SLC20A2: variants seen among roughly 807,000 people sequenced by gnomAD.
SLC20A2 encodes solute carrier family 20 member 2, also known as sodium-dependent phosphate transporter 2.
SLC20A2 carries 30 observed loss-of-function variants against 61.0 expected under a neutral mutation model. That is an observed-to-expected ratio of 0.49 (90% confidence interval 0.37 to 0.67). The LOEUF (loss-of-function observed/expected upper bound fraction) is 0.67, where lower values mean the gene tolerates loss of function less well. SLC20A2 is among the 30% of genes least tolerant of loss of function. The probability of loss-of-function intolerance (pLI) is 0.00; values close to 1 mark genes in which losing one functional copy is unlikely to be tolerated. For missense variants in SLC20A2, 626 were observed against 866.4 expected, an observed-to-expected ratio of 0.72 and a Z score of 3.48; for synonymous variants, 351 against 353.3, an observed-to-expected ratio of 0.99 and a Z score of 0.07.
intron 1 of SLC20A2, among the ~76,000 whole-genome samples, chr8:42,536,079 C>T (rs745379355): frequency 6.6e-6 from 1 of 152,308 alleles, no homozygotes; most frequent in Non-Finnish European, 1.5e-5. Context: ...GGCTAACGTG[C>T]AAATTGGATA....
intron 5 of SLC20A2, among the ~76,000 whole-genome samples, chr8:42,449,972 T>C (rs116523671): frequency 0.018 from 2,763 of 152,336 alleles, 74 homozygotes; most frequent in African/African-American, 0.061. Context: ...TTCACACTTA[T>C]GTGTGCACAC....
At chr8:42,426,891 T>TA (rs1374732166) in intron 10 of SLC20A2, among the ~76,000 whole-genome samples, 2 of 152,210 alleles carry the variant, frequency 1.3e-5, no homozygotes, top group Admixed American at 1.3e-4. Context: ...AGAATGTATT[T>TA]AGTGACACGC....
At chr8:42,486,221 C>T (rs1809002253) in intron 1 of SLC20A2, among the ~76,000 whole-genome samples, 1 of 151,790 alleles carries the variant, frequency 6.6e-6, no homozygotes, top group Non-Finnish European at 1.5e-5. Context: ...GCCTAAAGAA[C>T]CTCCTTTAGT....
chr8:42,455,490 C>T (rs1806127332), intron 5 of SLC20A2, among the ~76,000 whole-genome samples: 1 of 151,548 alleles, frequency 6.6e-6, no homozygotes, highest in South Asian at 2.1e-4. Flanking sequence ...GAAACCCCAT[C>T]TCTACTAAAA....
chr8:42,460,187 C>A, intron 4 of SLC20A2, 195 bp from the exon 5 acceptor site: 1 of 488,818 alleles, frequency 2.0e-6, no homozygotes, highest in Non-Finnish European at 3.8e-6. Context: ...CCATCTCTCC[C>A]ACACAAATGC....
intron 10 of SLC20A2, among the ~76,000 whole-genome samples, chr8:42,421,470 T>C (rs944983508): frequency 1.3e-5 from 2 of 152,242 alleles, no homozygotes; most frequent in Non-Finnish European, 2.9e-5. Flanking sequence ...ATTTTTACCT[T>C]GGACTTGGTC....
At chr8:42,449,980 C>T (rs958236298) in intron 5 of SLC20A2, among the ~76,000 whole-genome samples, 3 of 152,160 alleles carry the variant, frequency 2.0e-5, no homozygotes, top group Non-Finnish European at 2.9e-5. Flanking sequence ...TATGTGTGCA[C>T]ACACATGCAC....
intron 8 of SLC20A2, among the ~76,000 whole-genome samples, chr8:42,435,316 C>T (rs564698213): frequency 2.6e-5 from 4 of 152,150 alleles, no homozygotes; most frequent in Admixed American, 1.3e-4. Context: ...TCACTGACTG[C>T]GACAGAAGAC....
At chr8:42,428,889 C>G (rs1803631644) in intron 9 of SLC20A2, 47 bp from the exon 10 acceptor site, 2 of 1,465,594 alleles carry the variant, frequency 1.4e-6, no homozygotes, top group Admixed American at 4.6e-5. Context: ...CTGTATCAGC[C>G]TCCCTGACAC....
intron 1 of SLC20A2, among the ~76,000 whole-genome samples, chr8:42,496,359 C>A (rs578258172): frequency 6.6e-6 from 1 of 152,042 alleles, no homozygotes; most frequent in East Asian, 1.9e-4. Context: ...TTCTGTCAAG[C>A]GAAAGCACAA....
intron 1 of SLC20A2, among the ~76,000 whole-genome samples, chr8:42,476,730 C>T (rs929923689): frequency 4.6e-5 from 7 of 152,202 alleles, no homozygotes; most frequent in Admixed American, 2.6e-4. Context: ...CTCACACCCT[C>T]AGCCCACCAG....
At chr8:42,444,811 G>A in intron 5 of SLC20A2, 49 bp from the exon 6 acceptor site, 1 of 1,450,242 alleles carries the variant, frequency 6.9e-7, no homozygotes, top group Non-Finnish European at 9.7e-7. Flanking sequence ...CTTCTGCAAG[G>A]TCAGGCCTCA....
chr8:42,428,816 G>A lies in SLC20A2; in HGVS notation c.1736C>T (p.Ala579Val), dbSNP rs1231560325. ...GTTGGAGGCGATCACCACTGTGAAG[G>A]CTGAGGCCAGCTCGATCGTGAAGCC... ...SSGFTIELAS[A>V]FTVVIASNIG... Residue 579 changes from alanine to valine, a missense_variant, in exon 10 of 11, where the codon GCC becomes GTC. Transcript: ENST00000520262. The A allele has an allele frequency of 6.2e-7, 1 of 1,606,680 alleles. No individual in the cohort carries two copies. The highest frequency in any genetic ancestry group is 8.5e-7 in the Non-Finnish European group (1 of 1,176,698).
chr8:42,517,263 G>T (rs1286457585), intron 1 of SLC20A2, among the ~76,000 whole-genome samples: 1 of 151,964 alleles, frequency 6.6e-6, no homozygotes, highest in African/African-American at 2.4e-5. Context: ...AGCACTTTGG[G>T]AGGGTGAGGT....
chr8:42,432,829 A>C (rs967094678), intron 8 of SLC20A2, among the ~76,000 whole-genome samples: 32 of 152,186 alleles, frequency 2.1e-4, no homozygotes, highest in African/African-American at 7.5e-4. Context: ...AGGTATGTAC[A>C]TTGTTTTTAA....
At chr8:42,489,368 G>A (rs183477812) in intron 1 of SLC20A2, among the ~76,000 whole-genome samples, 1 of 152,210 alleles carries the variant, frequency 6.6e-6, no homozygotes, top group East Asian at 1.9e-4. Flanking sequence ...TGTAATGGCT[G>A]CTCTGAAGAC....
At chr8:42,434,913 A>T (rs907649472) in intron 8 of SLC20A2, among the ~76,000 whole-genome samples, 3 of 143,108 alleles carry the variant, frequency 2.1e-5, no homozygotes, top group African/African-American at 9.0e-5. Flanking sequence ...TGCGCATGTG[A>T]GTGTGTGTGC....
chr8:42,507,051 G>A (rs1195881732), intron 1 of SLC20A2, among the ~76,000 whole-genome samples: 1 of 152,212 alleles, frequency 6.6e-6, no homozygotes, highest in Non-Finnish European at 1.5e-5. Context: ...GGGTGGGTCA[G>A]GCCATCGTAA....
Position 42,482,147 on chromosome 8 carries a change from T to G in SLC20A2, c.-264-9493A>C, listed in dbSNP as rs11994334. 3.4e-3 allele frequency among the ~76,000 whole-genome samples: 517 copies of G among 152,074 alleles called. 3 individuals are homozygous for G. Among genetic ancestry groups the G allele is most frequent in the African/African-American group, 0.012 (498 of 41,500 alleles). On this transcript the variant is annotated intron_variant, in intron 1 of 10. Coordinates refer to ENST00000520262, the MANE Select transcript of SLC20A2 (RefSeq NM_001257180.2). ...ACGACATGACTTACATGGAAAATAT[T>G]TTTTTTTAGTAGAAAGGCTGCCTCA...
Sources: gnomAD v4.1 joint callset for allele counts (sites outside exome capture counted in the v4.1 genomes callset) on GRCh38, gnomAD v4.1.1 for gene constraint, MANE v1.5 for transcripts, NCBI Gene and HGNC (gene_info 2026-07-23, HGNC 2026-07-21) for gene names.